Variants in RANBP10 observed in about 807,000 individuals in gnomAD.
RANBP10 encodes the protein RAN binding protein 10.
In RANBP10, 24 loss-of-function variants were observed where a neutral mutation model predicts 72.8. The ratio of observed to expected loss-of-function variants is 0.33; its 90% CI spans 0.24 to 0.46. The LOEUF is 0.46. Ranked by LOEUF, RANBP10 falls within the 20% of genes least tolerant of loss-of-function variation. The pLI, the probability that RANBP10 is intolerant of heterozygous loss-of-function variation, is 1.00. For synonymous variants in RANBP10, 310 were observed against 322.3 expected (o/e 0.96, Z 0.41); for missense variants, 679 against 817.5 (o/e 0.83, Z 2.07).
At position 67,726,193 on chromosome 16, in the gene RANBP10, CCA is replaced by C. The variant is rs2053594283; in HGVS notation, c.*233_*234del. Reference sequence around the variant, plus strand: ...AATAGAAGGCGCTACATGAGAGTAACCAGCCAATACTGTGTTACAGGCCGCTG... The same window carrying C: ...AATAGAAGGCGCTACATGAGAGTAACGCCAATACTGTGTTACAGGCCGCTG... On this transcript the variant is annotated 3_prime_UTR_variant, in exon 14 of 14. Transcript: ENST00000317506. 2 of 501,732 alleles carry C rather than the reference CCA, an allele frequency of 4.0e-6. No homozygotes were observed. Among genetic ancestry groups the C allele is most frequent in the African/African-American group, 3.9e-5 (2 of 50,772 alleles). 31.1% of individuals were successfully genotyped at this position (501,732 alleles called of 1,614,324 possible).
rs764215695 is a variant in RANBP10 at position 67,730,631 on chromosome 16, C to T, written c.890-585G>A. On this transcript the variant is annotated intron_variant, in intron 7 of 13. Coordinates refer to ENST00000317506, the MANE Select transcript of RANBP10 (RefSeq NM_020850.3). This position sits in a 1 kb window ranked among gnomAD's most constrained non-coding sequence, Gnocchi z 4.3. Reference sequence around the variant, plus strand: ...CTTGCTGCTGCCTTTTCGCTCTTGCCGTGGGGCCTGGTGCATCTCGCTGGG... The same window carrying T: ...CTTGCTGCTGCCTTTTCGCTCTTGCTGTGGGGCCTGGTGCATCTCGCTGGG... Among the ~76,000 whole-genome samples, 3 of 152,158 alleles carry T rather than the reference C, an allele frequency of 2.0e-5. No homozygotes were observed. The highest frequency in any genetic ancestry group is 2.9e-5 in the Non-Finnish European group (2 of 68,022).
In RANBP10 at chr16:67,727,335, G is replaced by A; in HGVS notation, c.1724C>T (p.Ala575Val). 6.2e-7 allele frequency: 1 copy of A among 1,608,478 alleles called. No individual in the cohort carries two copies. Among genetic ancestry groups the A allele is most frequent in the Non-Finnish European group, 8.5e-7 (1 of 1,178,488 alleles). Reference protein sequence around the residue: ...REPVCAALNSAILESQNLPKQ... With the variant: ...REPVCAALNSVILESQNLPKQ... Reference sequence around the variant, plus strand: ...TAAATAGATTCACTCACCTAAAATGGCGCTGTTGAGGGCAGCACACACAGG... The same window carrying A: ...TAAATAGATTCACTCACCTAAAATGACGCTGTTGAGGGCAGCACACACAGG... Residue 575 changes from alanine (A) to valine (V), a missense_variant, in exon 13 of 14, where the codon GCC becomes GTC. Transcript: ENST00000317506.
Position 67,806,487 on chromosome 16 carries a change from TC to T in RANBP10, c.49del (p.Asp17ThrfsTer19). On this transcript the variant is annotated frameshift_variant, in exon 1 of 14. Transcript: ENST00000317506. LOFTEE classifies it high-confidence loss of function. ...GCCCCCAGCGCCCCCGCCGGAGGAGTCCCCAGGCTGCGGGTTCCCAGCTCCC... is the reference window on the plus strand; with the variant it reads ...GCCCCCAGCGCCCCCGCCGGAGGAGTCCCAGGCTGCGGGTTCCCAGCTCCC... ...DPGAGNPQPG[D>X]SSGGGAGGGL... 1.3e-6 allele frequency: 2 copies of T among 1,540,414 alleles called. No homozygotes were observed. Among genetic ancestry groups the T allele is most frequent in the Admixed American group, 2.0e-5 (1 of 49,840 alleles).
chr16:67,764,923 A>G (rs2054468661), intron 3 of RANBP10, among the ~76,000 whole-genome samples: 1 of 152,244 alleles, frequency 6.6e-6, no homozygotes. Flanking sequence ...GTCTAGTCCA[A>G]TAAAATGTAA....
chr16:67,738,038 G>GT lies in RANBP10; in HGVS notation c.569-4dup. On this transcript the variant is annotated splice_region_variant and splice_polypyrimidine_tract_variant and intron_variant, in intron 4 of 13. Coordinates refer to ENST00000317506, the MANE Select transcript of RANBP10 (RefSeq NM_020850.3). Reference sequence around the variant, plus strand: ...CGGGAGGTCTGTGAAGGCTATACCTGTGGGGGGAAAGGAACAGTCATCAGG... The same window carrying GT: ...CGGGAGGTCTGTGAAGGCTATACCTGTTGGGGGGAAAGGAACAGTCATCAGG... The GT allele has an allele frequency of 6.3e-7, 1 of 1,588,904 alleles. No homozygotes were observed. Among genetic ancestry groups the GT allele is most frequent in the Admixed American group, 1.8e-5 (1 of 56,884 alleles).
intron 3 of RANBP10, 133 bp from the exon 4 acceptor site, chr16:67,744,588 A>T: frequency 1.1e-6 from 1 of 933,436 alleles, no homozygotes; most frequent in African/African-American, 1.7e-5. Context: ...GGCTTCTAGC[A>T]GAGCCACCAA....
chr16:67,731,035 G>T (rs1041169447), intron 7 of RANBP10: 27 of 183,610 alleles, frequency 1.5e-4, no homozygotes, highest in Non-Finnish European at 3.0e-4. Flanking sequence ...CCCCACAGCA[G>T]CCATTGAGCA....
At chr16:67,741,168 T>C (rs1462636736) in intron 4 of RANBP10, among the ~76,000 whole-genome samples, 2 of 152,222 alleles carry the variant, frequency 1.3e-5, no homozygotes, top group Non-Finnish European at 2.9e-5. Flanking sequence ...CTGTGAAAGC[T>C]ACTTCATGAA....
intron 6 of RANBP10, 31 bp downstream of exon 6, chr16:67,734,827 G>A (rs2053808351): frequency 2.0e-6 from 3 of 1,513,712 alleles, no homozygotes; most frequent in African/African-American, 1.4e-5. Context: ...GGTGGGGTGG[G>A]AGTGGGTAAG....
rs1343081517 is a variant in RANBP10, at chr16:67,726,177, C to T, written c.*251G>A. 1.8e-5 allele frequency: 8 copies of T among 446,252 alleles called. No homozygotes were observed. The highest frequency in any genetic ancestry group is 1.4e-4 in the East Asian group (3 of 20,734). 27.6% of individuals were successfully genotyped at this position (446,252 alleles called of 1,614,324 possible). ...AAAACCCCCCTTTCAAAATAGAAGG[C>T]GCTACATGAGAGTAACCAGCCAATA... On this transcript the variant is annotated 3_prime_UTR_variant, in exon 14 of 14. Coordinates refer to ENST00000317506, the MANE Select transcript of RANBP10 (RefSeq NM_020850.3).
chr16:67,784,672 A>G lies in RANBP10; in HGVS notation c.348-12586T>C, dbSNP rs535531533. Among the ~76,000 whole-genome samples, 105 of 152,142 alleles carry G rather than the reference A, an allele frequency of 6.9e-4. 2 individuals carry two copies. The highest frequency in any genetic ancestry group is 3.9e-4 in the East Asian group (2 of 5,166). ...ACTCCATCCCAAAAAAAAAAAAATT[A>G]ACCTAGCTTGGTGGTGTATGCCTGT... On this transcript the variant is annotated intron_variant, in intron 2 of 13. Coordinates refer to ENST00000317506, the MANE Select transcript of RANBP10 (RefSeq NM_020850.3).
In RANBP10 at chr16:67,725,356, C is replaced by G. The variant is rs1261157779; in HGVS notation, c.*1072G>C. 6.6e-6 allele frequency: 1 copy of G among 152,458 alleles called. No individual in the cohort carries two copies. The highest frequency in any genetic ancestry group is 1.5e-5 in the Non-Finnish European group (1 of 68,040). The allele number at this position is 152,458 out of a possible 1,614,324, so 9.4% of individuals were successfully genotyped here. A position where few individuals can be genotyped will look rare whatever the true frequency, so the allele number is the denominator to read the frequency against. ...AGAGCTGTGCAGAGATGGTGAAGAT[C>G]TAGGCAGGAAGAAAGCAGCCCCTGT... On this transcript the variant is annotated 3_prime_UTR_variant, in exon 14 of 14. Transcript: ENST00000317506.
intron 5 of RANBP10, 26 bp from the exon 6 acceptor site, chr16:67,735,068 C>G (rs1254515288): frequency 6.4e-7 from 1 of 1,564,026 alleles, no homozygotes; most frequent in Non-Finnish European, 8.7e-7. Flanking sequence ...AAATGTCAGT[C>G]AGGCCCTGAG....
chr16:67,775,516 A>G (rs556061088), intron 2 of RANBP10, among the ~76,000 whole-genome samples: 4 of 152,098 alleles, frequency 2.6e-5, no homozygotes, highest in Non-Finnish European at 4.4e-5. Context: ...ACATGTTCCC[A>G]TACGTAGAAA....
intron 2 of RANBP10, among the ~76,000 whole-genome samples, chr16:67,789,626 C>T (rs892761529): frequency 1.3e-5 from 2 of 151,510 alleles, no homozygotes; most frequent in South Asian, 2.1e-4. Flanking sequence ...CACACCACCA[C>T]GCCTGGCTAA....
chr16:67,760,092 T>C, intron 3 of RANBP10, among the ~76,000 whole-genome samples: 1 of 134,784 alleles, frequency 7.4e-6, no homozygotes, highest in African/African-American at 3.0e-5. Flanking sequence ...AGAGCGAGAC[T>C]CCGTCTCAAA....
chr16:67,796,589 A>C (rs2055139248), intron 2 of RANBP10, among the ~76,000 whole-genome samples: 1 of 152,200 alleles, frequency 6.6e-6, no homozygotes, highest in African/African-American at 2.4e-5. Flanking sequence ...CTGTCTGGAC[A>C]AGAACAAGTG....
intron 2 of RANBP10, among the ~76,000 whole-genome samples, chr16:67,791,574 C>T (rs926554843): frequency 2.0e-5 from 3 of 152,128 alleles, no homozygotes; most frequent in African/African-American, 7.2e-5. Context: ...CACCTACCCT[C>T]AGGTGAAAGG....
chr16:67,787,812 G>A (rs1015759526), intron 2 of RANBP10, among the ~76,000 whole-genome samples: 2 of 152,068 alleles, frequency 1.3e-5, no homozygotes, highest in Admixed American at 6.6e-5. Flanking sequence ...ACCAGCCTGG[G>A]TAACATAGCG....
Sources: gnomAD v4.1 joint callset for allele counts (sites outside exome capture counted in the v4.1 genomes callset) on GRCh38, gnomAD v4.1.1 for gene constraint, Gnocchi (gnomAD v3.1) non-coding constraint, MANE v1.5 for transcripts, NCBI Gene and HGNC (gene_info 2026-07-23, HGNC 2026-07-21) for gene names.